The following VWA3B variants were observed in gnomAD, a reference collection of about 807,000 sequenced individuals.
The protein encoded by VWA3B is von Willebrand factor A domain-containing protein 3B.
Under a neutral mutation model 158.3 loss-of-function variants are expected in VWA3B, and 138 were observed. The observed-to-expected ratio is 0.87, with a 90% CI of 0.76 to 1.00. The LOEUF is 1.00. Ranked by LOEUF, VWA3B falls within the 50% of genes least tolerant of loss-of-function variation. VWA3B has a pLI of 0.00. For missense variants in VWA3B, 1,555 were observed against 1,565.1 expected (o/e 0.99, Z 0.11); for synonymous variants, 596 against 587.3 (o/e 1.01, Z -0.21).
intron 12 of VWA3B, among the ~76,000 whole-genome samples, chr2:98,195,068 A>G (rs1681926971): frequency 1.3e-5 from 2 of 152,220 alleles, no homozygotes; most frequent in African/African-American, 4.8e-5. Flanking sequence ...TCTTGAGCTT[A>G]TCTTAATTTT....
Position 98,297,888 on chromosome 2 carries a change from TTTC to T in VWA3B, c.3158-16_3158-14del, listed in dbSNP as rs760005051. 6.8e-7 allele frequency: 1 copy of T among 1,464,700 alleles called. No homozygotes were observed. The highest frequency in any genetic ancestry group is 9.1e-7 in the Non-Finnish European group (1 of 1,102,024). 90.7% of individuals were successfully genotyped at this position (1,464,700 alleles called of 1,614,324 possible). Reference sequence around the variant, plus strand: ...TGTTATTTGTCTTTATATTTTATGTTTTCTTTGATTCCTTCCAGGGGTTGTGAA... The same window carrying T: ...TGTTATTTGTCTTTATATTTTATGTTTTTGATTCCTTCCAGGGGTTGTGAA... On this transcript the variant is annotated splice_polypyrimidine_tract_variant and intron_variant, in intron 23 of 27. Coordinates refer to ENST00000477737, the MANE Select transcript of VWA3B (RefSeq NM_144992.5).
chr2:98,285,033 A>G (rs1689084407), intron 22 of VWA3B, among the ~76,000 whole-genome samples: 2 of 152,192 alleles, frequency 1.3e-5, no homozygotes, highest in Non-Finnish European at 2.9e-5. Flanking sequence ...TTTACCTTAA[A>G]AAAAAGATTT....
chr2:98,212,718 A>T (rs1683636148), intron 13 of VWA3B, among the ~76,000 whole-genome samples: 1 of 152,254 alleles, frequency 6.6e-6, no homozygotes, highest in African/African-American at 2.4e-5. Context: ...TGTGGCAAAA[A>T]GTTCAGGGCT....
Position 98,093,126 on chromosome 2 carries a change from G to A in VWA3B, c.34G>A (p.Glu12Lys), listed in dbSNP as rs745517126. The change falls in exon 2 of 28, where the codon GAG (glutamate) becomes AAG (lysine). Residue 12 changes from glutamate to lysine, a missense_variant. Transcript: ENST00000477737. ...EKSGPSSTIS[E>K]QQLQRQEGWI... ...ATCAGGCCCATCTTCTACCATCTCTGAGCAGCAGCTGCAGAGGCAAGAGGG... is the reference window on the plus strand; with the variant it reads ...ATCAGGCCCATCTTCTACCATCTCTAAGCAGCAGCTGCAGAGGCAAGAGGG... 5.0e-6 allele frequency: 8 copies of A among 1,613,948 alleles called. No homozygotes were observed. The South Asian group carries it at 8.8e-5, about 18-fold the overall frequency.
At chr2:98,218,052 G>A (rs1384461777) in intron 14 of VWA3B, 24 bp downstream of exon 14, 2 of 1,578,770 alleles carry the variant, frequency 1.3e-6, no homozygotes. Flanking sequence ...GGGCTAAGAA[G>A]GGAGTGTTCA....
chr2:98,134,783 G>T (rs1290236203), intron 7 of VWA3B, among the ~76,000 whole-genome samples: 1 of 152,018 alleles, frequency 6.6e-6, no homozygotes, highest in Non-Finnish European at 1.5e-5. Flanking sequence ...ACAGCTGCTT[G>T]AAAGATTTAC....
rs532580275 is a variant in VWA3B, at chr2:98,122,390, A to G, written c.702+932A>G. Among the ~76,000 whole-genome samples, 7 of 152,362 alleles carry G rather than the reference A, an allele frequency of 4.6e-5. 1 individual carries two copies. In the South Asian group the frequency reaches 1.2e-3, roughly 27 times the overall value. On this transcript the variant is annotated intron_variant, in intron 5 of 27. Transcript: ENST00000477737. ...TTGGAGAAAGAAGCCACGTGTTGGCATCTTGAAAGATAGCCCCCAGTGGTC... is the reference window on the plus strand; with the variant it reads ...TTGGAGAAAGAAGCCACGTGTTGGCGTCTTGAAAGATAGCCCCCAGTGGTC...
chr2:98,141,408 G>A (rs1676770530), intron 7 of VWA3B, among the ~76,000 whole-genome samples: 1 of 152,206 alleles, frequency 6.6e-6, no homozygotes, highest in Non-Finnish European at 1.5e-5. Context: ...ATGGCAGAAG[G>A]CAAAGGGGGA....
At chr2:98,316,646 CAAA>C (rs57574289), downstream of VWA3B, among the ~76,000 whole-genome samples, 10 of 64,220 alleles carry the variant, frequency 1.6e-4, no homozygotes, top group Admixed American at 5.1e-4. Context: ...AACTCTGTCT[CAAA>C]AAAAAAAAAA....
chr2:98,181,951 G>A (rs1219495403), intron 9 of VWA3B, among the ~76,000 whole-genome samples: 1 of 152,212 alleles, frequency 6.6e-6, no homozygotes, highest in African/African-American at 2.4e-5. Flanking sequence ...AGAAGACAAG[G>A]TGTCAAAGGT....
In VWA3B at chr2:98,200,110, C is replaced by T. The variant is rs1018301700; in HGVS notation, c.1737+5618C>T. 5.9e-5 allele frequency among the ~76,000 whole-genome samples: 9 copies of T among 152,162 alleles called. 1 individual carries two copies. Among genetic ancestry groups the T allele is most frequent in the Admixed American group, 1.3e-4 (2 of 15,270 alleles). On this transcript the variant is annotated intron_variant, in intron 12 of 27. Coordinates refer to ENST00000477737, the MANE Select transcript of VWA3B (RefSeq NM_144992.5). The stretch of plus-strand genomic sequence containing the variant: ...CTTTTAATTGCATTTACTTAACACT[C>T]GTCTTTTCATGCTTATTAGGCATCT...
chr2:98,321,142 G>A, the VWA3B span, among the ~76,000 whole-genome samples: 2 of 152,246 alleles, frequency 1.3e-5, no homozygotes, highest in African/African-American at 4.8e-5. Flanking sequence ...CTTACAAGTG[G>A]TGTTGGGCCT....
chr2:98,099,120 A>C (rs916488244), intron 2 of VWA3B: 1 of 152,168 alleles, frequency 6.6e-6, no homozygotes. Flanking sequence ...TAAGTAATTT[A>C]AAAACCACCA....
At chr2:98,241,423 GGGCAGTCAGGA>G (rs1558716415) in intron 19 of VWA3B, among the ~76,000 whole-genome samples, 1 of 151,706 alleles carries the variant, frequency 6.6e-6, no homozygotes, top group Non-Finnish European at 1.5e-5. Context: ...TTGGAGAGGC[GGGCAGTCAGGA>G]GGCAGTTGGG....
chr2:98,259,451 T>C (rs551322644), intron 21 of VWA3B, among the ~76,000 whole-genome samples: 20 of 151,892 alleles, frequency 1.3e-4, no homozygotes, highest in Middle Eastern at 3.4e-3. Flanking sequence ...GTTGAGTTTA[T>C]CTATTTCTTC....
chr2:98,132,102 G>T (rs1675915686), intron 6 of VWA3B, among the ~76,000 whole-genome samples: 1 of 152,178 alleles, frequency 6.6e-6, no homozygotes, highest in South Asian at 2.1e-4. Flanking sequence ...GCTCATCTGG[G>T]GCATGCTAGA....
At chr2:98,194,266 G>T (rs1681841580) in intron 11 of VWA3B, 95 bp from the exon 12 acceptor site, 9 of 1,293,028 alleles carry the variant, frequency 7.0e-6, no homozygotes, top group Non-Finnish European at 9.7e-6. Context: ...TGAAAATAGA[G>T]ACCATCATGA....
intron 5 of VWA3B, chr2:98,122,199 GAC>G (rs1675023312): frequency 6.6e-6 from 1 of 152,266 alleles, no homozygotes; most frequent in African/African-American, 2.4e-5. Context: ...AGCCAGTGGA[GAC>G]ACACTCTGGG....
chr2:98,160,538 G>A (rs1456800655), intron 7 of VWA3B, among the ~76,000 whole-genome samples: 1 of 152,098 alleles, frequency 6.6e-6, no homozygotes, highest in Non-Finnish European at 1.5e-5. Flanking sequence ...GAGCCGACTG[G>A]GTTTCCTCGG....
Sources: gnomAD v4.1 joint callset for allele counts (sites outside exome capture counted in the v4.1 genomes callset) on GRCh38, gnomAD v4.1.1 for gene constraint, MANE v1.5 for transcripts, NCBI Gene and HGNC (gene_info 2026-07-23, HGNC 2026-07-21) for gene names.